The following LOC400499 variants were observed in gnomAD, a reference collection of about 807,000 sequenced individuals.
chr16:11,444,949 G>T, the LOC400499 span, among the ~76,000 whole-genome samples: 1 of 152,076 alleles, frequency 6.6e-6, no homozygotes, highest in Non-Finnish European at 1.5e-5. Context: ...AACCAGGTGT[G>T]GTGGTAATGT....
At chr16:11,386,380 C>T in the LOC400499 span, among the ~76,000 whole-genome samples, 1 of 152,256 alleles carries the variant, frequency 6.6e-6, no homozygotes, top group Non-Finnish European at 1.5e-5. Flanking sequence ...AACTGAGAGG[C>T]ACAGAGAAGC....
At chr16:11,501,654 C>T in the LOC400499 span, among the ~76,000 whole-genome samples, 1 of 152,050 alleles carries the variant, frequency 6.6e-6, no homozygotes, top group African/African-American at 2.4e-5. Context: ...GTCTCTTTAC[C>T]CGCCTTACTA....
chr16:11,390,834 T>C, the LOC400499 span, among the ~76,000 whole-genome samples: 1 of 152,112 alleles, frequency 6.6e-6, no homozygotes, highest in African/African-American at 2.4e-5. Flanking sequence ...CACCTGCCAG[T>C]GTGGCAGCCC....
the LOC400499 span, among the ~76,000 whole-genome samples, chr16:11,435,428 C>T: frequency 0.024 from 3,662 of 152,246 alleles, 145 homozygotes; most frequent in African/African-American, 0.084. Context: ...ATCCTTTAAG[C>T]CATCTACAAC....
chr16:11,395,634 C>G, the LOC400499 span, among the ~76,000 whole-genome samples: 1 of 152,200 alleles, frequency 6.6e-6, no homozygotes, highest in Non-Finnish European at 1.5e-5. Context: ...CAAGCACCTG[C>G]TACATGCAGA....
chr16:11,398,450 G>A, the LOC400499 span: 19 of 1,232,142 alleles, frequency 1.5e-5, no homozygotes, highest in African/African-American at 7.8e-5. Flanking sequence ...AAGAGGCCCC[G>A]AGGACGTGCT....
chr16:11,375,732 ATTTTTTTTTTT>A, the LOC400499 span, among the ~76,000 whole-genome samples: 1 of 130,660 alleles, frequency 7.7e-6, no homozygotes, highest in Admixed American at 8.0e-5. Context: ...TCCTTTGTAC[ATTTTTTTTTTT>A]TTTTGAGATG....
the LOC400499 span, among the ~76,000 whole-genome samples, chr16:11,422,411 G>C: frequency 6.6e-6 from 1 of 151,870 alleles, no homozygotes; most frequent in African/African-American, 2.4e-5. Flanking sequence ...GAAAAGGAAA[G>C]GAATGGGACG....
At chr16:11,411,383 C>T in the LOC400499 span, 10 of 398,800 alleles carry the variant, frequency 2.5e-5, no homozygotes, top group African/African-American at 1.6e-4. Flanking sequence ...TTGTCCAGTG[C>T]CCCCAGGGCC....
chr16:11,493,561 C>A, the LOC400499 span: 1 of 393,308 alleles, frequency 2.5e-6, no homozygotes, highest in South Asian at 1.3e-4. Context: ...GAATGAACAA[C>A]TGAATAAGTG....
chr16:11,381,914 T>G, the LOC400499 span, among the ~76,000 whole-genome samples: 1 of 151,984 alleles, frequency 6.6e-6, no homozygotes, highest in Non-Finnish European at 1.5e-5. Context: ...GCCTGCTGAC[T>G]CTAAAGGGTC....
chr16:11,384,227 G>C, the LOC400499 span: 1 of 1,232,192 alleles, frequency 8.1e-7, no homozygotes, highest in South Asian at 4.1e-5. Flanking sequence ...TGCCAGGCCA[G>C]GCTGAGCTCC....
chr16:11,406,739 G>T, the LOC400499 span, among the ~76,000 whole-genome samples: 8 of 152,164 alleles, frequency 5.3e-5, no homozygotes, highest in Admixed American at 4.6e-4. Flanking sequence ...GCCTTCCCCC[G>T]GATTTTCAAA....
chr16:11,462,361 A>G, the LOC400499 span: 1 of 1,408,790 alleles, frequency 7.1e-7, no homozygotes, highest in Non-Finnish European at 9.2e-7. Context: ...CCCAGCCCTT[A>G]CCACACGAAC....
At chr16:11,517,104 G>A in the LOC400499 span, among the ~76,000 whole-genome samples, 1 of 152,088 alleles carries the variant, frequency 6.6e-6, no homozygotes, top group South Asian at 2.1e-4. Context: ...CCTGGGGAGA[G>A]CAGCTCTCAT....
the LOC400499 span, among the ~76,000 whole-genome samples, chr16:11,380,386 C>A: frequency 6.6e-6 from 1 of 152,026 alleles, no homozygotes; most frequent in Admixed American, 6.6e-5. Context: ...TCGAGACCAG[C>A]CTGGCTAACA....
the LOC400499 span, among the ~76,000 whole-genome samples, chr16:11,373,495 G>A: frequency 6.2e-4 from 94 of 152,174 alleles, no homozygotes; most frequent in Non-Finnish European, 1.1e-3. Context: ...CACCACGCCC[G>A]GCTAATTTTT....
chr16:11,475,477 T>C, the LOC400499 span: 3 of 394,868 alleles, frequency 7.6e-6, no homozygotes, highest in Non-Finnish European at 8.9e-6. Context: ...TCTAAATTGA[T>C]TGAAACCTGT....
the LOC400499 span, among the ~76,000 whole-genome samples, chr16:11,415,253 C>A: frequency 6.6e-6 from 1 of 152,208 alleles, no homozygotes; most frequent in African/African-American, 2.4e-5. Flanking sequence ...CTTTGCTATA[C>A]AGAGAAACTC....
Sources: gnomAD v4.1 joint callset for allele counts (sites outside exome capture counted in the v4.1 genomes callset) on GRCh38, gnomAD v4.1.1 for gene constraint, MANE v1.5 for transcripts.